NELL1: variants seen among roughly 807,000 people sequenced by gnomAD.
The protein encoded by NELL1 is protein kinase C-binding protein NELL1.
Under a neutral mutation model 107.4 loss-of-function variants are expected in NELL1, and 76 were observed. The ratio of observed to expected loss-of-function variants is 0.71; its 90% CI spans 0.59 to 0.86. The LOEUF (loss-of-function observed/expected upper bound fraction) is 0.86, where lower values mean the gene tolerates loss of function less well. NELL1 is among the 40% of genes least tolerant of loss of function. The pLI is 0.00. For missense variants in NELL1, 1,024 were observed against 1,005.5 expected (o/e 1.02, Z -0.25); for synonymous variants, 353 against 341.2 (o/e 1.03, Z -0.38).
At chr11:20,898,822 A>G (rs1166560301) in intron 5 of NELL1, among the ~76,000 whole-genome samples, 2 of 152,086 alleles carry the variant, frequency 1.3e-5, no homozygotes, top group Non-Finnish European at 2.9e-5. Context: ...CAAGTAAATA[A>G]TATTTGCTTT....
At chr11:21,318,705 C>T (rs923954218) in intron 14 of NELL1, among the ~76,000 whole-genome samples, 9 of 152,048 alleles carry the variant, frequency 5.9e-5, no homozygotes, top group African/African-American at 2.2e-4. Context: ...AGTAGGTATT[C>T]AATAAATGTT....
intron 15 of NELL1, among the ~76,000 whole-genome samples, chr11:21,482,989 T>C (rs1854530642): frequency 6.7e-6 from 1 of 150,298 alleles, no homozygotes; most frequent in Admixed American, 6.7e-5. Context: ...GCCTCTATAA[T>C]TTTTTTTTTC....
At chr11:21,262,404 T>A (rs757820558) in intron 14 of NELL1, 24 of 152,020 alleles carry the variant, frequency 1.6e-4, no homozygotes, top group Non-Finnish European at 2.4e-4. Flanking sequence ...TGAGAAAGAC[T>A]ACATGGGAGA....
At chr11:21,366,334 C>G (rs1305730028) in intron 14 of NELL1, among the ~76,000 whole-genome samples, 2 of 152,112 alleles carry the variant, frequency 1.3e-5, no homozygotes, top group Non-Finnish European at 2.9e-5. Flanking sequence ...GAATGGCAGG[C>G]ATGGTCCTTT....
chr11:20,848,836 C>T (rs1181894768), intron 4 of NELL1, among the ~76,000 whole-genome samples: 1 of 152,188 alleles, frequency 6.6e-6, no homozygotes, highest in East Asian at 1.9e-4. Flanking sequence ...GAACTGTTGT[C>T]AGGCTCAAGG....
chr11:21,099,192 AACACACAC>A (rs59848133), intron 12 of NELL1, among the ~76,000 whole-genome samples: 2,299 of 141,920 alleles, frequency 0.016, 64 homozygotes, highest in African/African-American at 0.053. Flanking sequence ...GACACTGAAC[AACACACAC>A]ACACACACAC....
At chr11:21,007,793 C>CA (rs1852362001) in intron 12 of NELL1, among the ~76,000 whole-genome samples, 1 of 152,014 alleles carries the variant, frequency 6.6e-6, no homozygotes, top group African/African-American at 2.4e-5. Context: ...TGCCCACTTA[C>CA]AAAAAAGACA....
chr11:21,325,116 A>G (rs1470911826), intron 14 of NELL1, among the ~76,000 whole-genome samples: 1 of 152,098 alleles, frequency 6.6e-6, no homozygotes, highest in African/African-American at 2.4e-5. Context: ...AATTCTTAAA[A>G]TACAAAAAAG....
chr11:21,209,117 C>T (rs960731637), intron 13 of NELL1, among the ~76,000 whole-genome samples: 1 of 152,048 alleles, frequency 6.6e-6, no homozygotes, highest in Non-Finnish European at 1.5e-5. Flanking sequence ...TCGATTCTGG[C>T]ACATAACGGG....
chr11:21,129,757 A>G (rs1404282757), intron 13 of NELL1, among the ~76,000 whole-genome samples: 2 of 152,116 alleles, frequency 1.3e-5, no homozygotes, highest in African/African-American at 2.4e-5. Context: ...GGCTGGAGCA[A>G]TGGGGGCATG....
intron 14 of NELL1, among the ~76,000 whole-genome samples, chr11:21,277,913 G>C (rs907302121): frequency 3.3e-5 from 5 of 152,088 alleles, no homozygotes; most frequent in Non-Finnish European, 7.4e-5. Context: ...GTGAGGGAAG[G>C]GGGAGGGATA....
chr11:21,258,897 C>T (rs1858836841), intron 14 of NELL1, among the ~76,000 whole-genome samples: 1 of 151,810 alleles, frequency 6.6e-6, no homozygotes, highest in South Asian at 2.1e-4. Flanking sequence ...ATAATTATTA[C>T]TAATGGAATT....
chr11:21,458,098 G>A (rs1053173114), intron 15 of NELL1, among the ~76,000 whole-genome samples: 3 of 152,138 alleles, frequency 2.0e-5, no homozygotes, highest in Admixed American at 6.6e-5. Flanking sequence ...GATGGTATCC[G>A]AAGAGAGACA....
intron 2 of NELL1, among the ~76,000 whole-genome samples, chr11:20,745,587 A>G (rs1458147089): frequency 6.6e-6 from 1 of 152,234 alleles, no homozygotes; most frequent in Non-Finnish European, 1.5e-5. Flanking sequence ...AACAAATTAC[A>G]GTAACCTACT....
intron 13 of NELL1, among the ~76,000 whole-genome samples, chr11:21,220,042 G>A (rs1380971935): frequency 2.0e-5 from 3 of 152,168 alleles, no homozygotes; most frequent in Admixed American, 6.5e-5. Flanking sequence ...TCACTATCAT[G>A]AGAACAGCAA....
At chr11:20,788,484 T>C (rs897472624) in intron 3 of NELL1, among the ~76,000 whole-genome samples, 43 of 152,226 alleles carry the variant, frequency 2.8e-4, no homozygotes, top group African/African-American at 1.0e-3. Flanking sequence ...ATAAGCTTAT[T>C]GACGATTTGT....
rs369195415 is a variant in NELL1 at position 20,994,701 on chromosome 11, A to G, written c.1300+34141A>G. Among the ~76,000 whole-genome samples, 3 of 152,222 alleles carry G rather than the reference A, an allele frequency of 2.0e-5. No homozygotes were observed. The East Asian group carries it at 5.8e-4, about 29-fold the overall frequency. ...ATTTTCCAAATATGCCATTGTACTT[A>G]CATTTTATATTACAAGTGCCAGGCC... On this transcript the variant is annotated intron_variant, in intron 12 of 19. Coordinates refer to ENST00000357134, the MANE Select transcript of NELL1 (RefSeq NM_006157.5).
At chr11:21,109,980 TGA>T (rs1260999046) in intron 12 of NELL1, among the ~76,000 whole-genome samples, 1 of 152,098 alleles carries the variant, frequency 6.6e-6, no homozygotes, top group Non-Finnish European at 1.5e-5. Flanking sequence ...CCCAAAACCG[TGA>T]GAGTTGCCAA....
intron 12 of NELL1, among the ~76,000 whole-genome samples, chr11:20,986,820 A>G (rs958798420): frequency 2.0e-5 from 3 of 152,184 alleles, no homozygotes; most frequent in African/African-American, 7.2e-5. Flanking sequence ...GGGAAAATAT[A>G]GCACTCTTTA....
Sources: gnomAD v4.1 joint callset for allele counts (sites outside exome capture counted in the v4.1 genomes callset) on GRCh38, gnomAD v4.1.1 for gene constraint, MANE v1.5 for transcripts, NCBI Gene and HGNC (gene_info 2026-07-23, HGNC 2026-07-21) for gene names.